The following COL4A6 variants were observed in gnomAD, a reference collection of about 807,000 sequenced individuals.
COL4A6 encodes the protein collagen type IV alpha 6 chain, also known as collagen alpha-6(IV) chain.
COL4A6 carries 59 observed loss-of-function variants against 126.7 expected under a neutral mutation model. The ratio of observed to expected loss-of-function variants is 0.47; its 90% CI spans 0.38 to 0.58. COL4A6 has a LOEUF of 0.58. Among genes scored for constraint, COL4A6 ranks in the 20% least tolerant of loss-of-function variants. The pLI is 0.00. For synonymous variants in COL4A6, 547 were observed against 496.6 expected, an observed-to-expected ratio of 1.10 and a Z score of -1.35; for missense variants, 1,285 against 1,337.3, an observed-to-expected ratio of 0.96 and a Z score of 0.61.
At chrX:108,277,399 T>A (rs777083442) in intron 3 of COL4A6, among the ~76,000 whole-genome samples, 20 of 111,830 alleles carry the variant, frequency 1.8e-4, no homozygotes, top group African/African-American at 5.2e-4. Context: ...AGCAGAGCAG[T>A]CTGTGATCAA....
chrX:108,158,214 T>C (rs1298307541), intron 44 of COL4A6, among the ~76,000 whole-genome samples: 2 of 112,904 alleles, frequency 1.8e-5, no homozygotes, highest in Non-Finnish European at 3.7e-5. Context: ...AGGCTTGTCA[T>C]TGTGAATGTC....
chrX:108,397,191 A>T (rs1448460765), intron 2 of COL4A6, among the ~76,000 whole-genome samples: 1 of 111,551 alleles, frequency 9.0e-6, no homozygotes, highest in African/African-American at 3.3e-5. Flanking sequence ...ACATAAGAAC[A>T]GTATGTTTGT....
rs1569355522 is a variant in COL4A6 at position 108,210,003 on chromosome X, C to T, written c.512G>A (p.Gly171Glu). 2 of 1,206,667 alleles carry T rather than the reference C, an allele frequency of 1.7e-6. No homozygotes were observed. Among genetic ancestry groups the T allele is most frequent in the Non-Finnish European group, 2.2e-6 (2 of 893,330 alleles). Residue 171 changes from glycine (G) to glutamate (E), a missense_variant and splice_region_variant, in exon 8 of 45, where the codon GGG becomes GAG. Physicochemically the swap from Gly to Glu is moderately conservative, Grantham distance 98 (BLOSUM62 -2). Coordinates refer to ENST00000334504, the MANE Select transcript of COL4A6 (RefSeq NM_033641.4). ...LAPGSFKGMK[G>E]DPGLPGLDGI... ...ATCCAGTCCAGGCAGCCCAGGATCC[C>T]CCTGAGAAACAAAGGCAGGACACTG...
chrX:108,234,627 T>A (rs2036391557), intron 3 of COL4A6, among the ~76,000 whole-genome samples: 1 of 112,064 alleles, frequency 8.9e-6, no homozygotes. Context: ...TGAGGAACTC[T>A]CAATCCAAGT....
At chrX:108,273,563 A>G (rs2037515515) in intron 3 of COL4A6, among the ~76,000 whole-genome samples, 1 of 112,426 alleles carries the variant, frequency 8.9e-6, no homozygotes, top group Non-Finnish European at 1.9e-5. Flanking sequence ...TCACAATAGC[A>G]AAGACTTGGA....
chrX:108,325,444 A>T (rs112984805), intron 2 of COL4A6, among the ~76,000 whole-genome samples: 8 of 112,054 alleles, frequency 7.1e-5, no homozygotes, highest in African/African-American at 2.6e-4. Flanking sequence ...CTTATCTATT[A>T]AAGAAATTGA....
At chrX:108,298,353 G>A (rs2038385127) in intron 3 of COL4A6, among the ~76,000 whole-genome samples, 1 of 112,810 alleles carries the variant, frequency 8.9e-6, no homozygotes, top group African/African-American at 3.2e-5. Context: ...TGGCTTGGTG[G>A]GGCGGCGGGT....
At chrX:108,357,660 T>G (rs1405845609) in intron 2 of COL4A6, among the ~76,000 whole-genome samples, 1 of 111,449 alleles carries the variant, frequency 9.0e-6, no homozygotes, top group Non-Finnish European at 1.9e-5. Context: ...CCCTTTACAC[T>G]ACACACTACA....
chrX:108,299,440 C>T (rs764422103), intron 3 of COL4A6, among the ~76,000 whole-genome samples: 21 of 110,638 alleles, frequency 1.9e-4, no homozygotes, highest in Non-Finnish European at 3.6e-4. Flanking sequence ...GCTCCTGAAC[C>T]CTGGTTACCC....
chrX:108,343,134 A>AATATATATATAT (rs555568295), intron 2 of COL4A6, among the ~76,000 whole-genome samples: 2 of 55,179 alleles, frequency 3.6e-5, no homozygotes, highest in African/African-American at 1.5e-4. Context: ...GATTAATGGG[A>AATATATATATAT]ATATATATAT....
rs773925952 is a variant in COL4A6, at chrX:108,206,349, C to G, written c.609+169G>C. 8.8e-6 allele frequency: 5 copies of G among 570,008 alleles called. No homozygotes were observed. The South Asian group carries it at 1.1e-4, about 13-fold the overall frequency. The allele number at this position is 570,008 out of a possible 1,213,427, so 47.0% of individuals were successfully genotyped here. ...GTCAGATAGACTCTGATAAATAACT[C>G]CAATAGCTCCTCGCAAGAGCATGCT... On this transcript the variant is annotated intron_variant, in intron 9 of 44. Coordinates refer to ENST00000334504, the MANE Select transcript of COL4A6 (RefSeq NM_033641.4).
At chrX:108,176,379 A>G (rs1267144659) in intron 28 of COL4A6, among the ~76,000 whole-genome samples, 86 of 91,305 alleles carry the variant, frequency 9.4e-4, no homozygotes, top group African/African-American at 3.9e-3. Flanking sequence ...GTGATACAGG[A>G]AAAAAAAAAA....
chrX:108,157,824 A>G lies in COL4A6; in HGVS notation c.4813-564T>C, dbSNP rs184884597. On this transcript the variant is annotated intron_variant, in intron 44 of 44. Coordinates refer to ENST00000334504, the MANE Select transcript of COL4A6 (RefSeq NM_033641.4). ...TCTCAGTATTCAGTTTCAGGGCTAC[A>G]CATGAGCTGGTGGTTTTCAGTTACT... Among the ~76,000 whole-genome samples the G allele has an allele frequency of 6.3e-4, 70 of 111,854 alleles. No homozygotes were observed. In the Middle Eastern group the frequency reaches 0.014, roughly 22 times the overall value.
intron 3 of COL4A6, among the ~76,000 whole-genome samples, chrX:108,236,055 G>A (rs1243097736): frequency 9.0e-6 from 1 of 111,158 alleles, no homozygotes; most frequent in African/African-American, 3.3e-5. Context: ...CTTTTGAATC[G>A]GGTGCTGGCA....
chrX:108,288,680 G>T (rs976739214), intron 3 of COL4A6, among the ~76,000 whole-genome samples: 1 of 109,915 alleles, frequency 9.1e-6, no homozygotes, highest in Non-Finnish European at 1.9e-5. Flanking sequence ...TAGGGATAAT[G>T]CCTTTTCAAC....
intron 6 of COL4A6, 38 bp from the exon 7 acceptor site, chrX:108,211,778 C>T: frequency 9.1e-7 from 1 of 1,101,609 alleles, no homozygotes; most frequent in Admixed American, 2.2e-5. Context: ...GAAATACACA[C>T]ACTTACAGTC....
chrX:108,182,569 T>C (rs915197520), intron 23 of COL4A6, among the ~76,000 whole-genome samples: 12 of 112,453 alleles, frequency 1.1e-4, no homozygotes, highest in African/African-American at 3.9e-4. Flanking sequence ...AAATATGCTC[T>C]ACAGGTCAAC....
chrX:108,310,724 T>C (rs768839541), intron 3 of COL4A6, 24 bp downstream of exon 3: 1 of 1,180,585 alleles, frequency 8.5e-7, no homozygotes, highest in South Asian at 1.8e-5. Context: ...TATTTGTCTT[T>C]CAACAATGAA....
chrX:108,168,751 G>C (rs2034207098), intron 37 of COL4A6, among the ~76,000 whole-genome samples: 1 of 111,941 alleles, frequency 8.9e-6, no homozygotes, highest in Non-Finnish European at 1.9e-5. Flanking sequence ...TATAGCTAGT[G>C]AGAGGTATAG....
Sources: gnomAD v4.1 joint callset for allele counts (sites outside exome capture counted in the v4.1 genomes callset) on GRCh38, gnomAD v4.1.1 for gene constraint, MANE v1.5 for transcripts, NCBI Gene and HGNC (gene_info 2026-07-23, HGNC 2026-07-21) for gene names.